Variants in SLC20A2 observed in about 807,000 individuals in gnomAD.
SLC20A2 encodes the protein solute carrier family 20 member 2.
In SLC20A2, 30 loss-of-function variants were observed where a neutral mutation model predicts 61.0. The observed-to-expected ratio is 0.49, with a 90% CI of 0.37 to 0.67. SLC20A2 has a LOEUF of 0.67. Among genes scored for constraint, SLC20A2 ranks in the 30% least tolerant of loss-of-function variants. SLC20A2 has a pLI of 0.00. For missense variants in SLC20A2, 626 were observed against 866.4 expected (o/e 0.72, Z 3.48); for synonymous variants, 351 against 353.3 (o/e 0.99, Z 0.07).
intron 8 of SLC20A2, among the ~76,000 whole-genome samples, chr8:42,435,586 G>A (rs1313080344): frequency 6.6e-6 from 1 of 152,144 alleles, no homozygotes; most frequent in African/African-American, 2.4e-5. Context: ...GGCCCCAGGA[G>A]GCCGCCCTGC....
intron 1 of SLC20A2, among the ~76,000 whole-genome samples, chr8:42,475,428 G>A (rs1302989178): frequency 6.6e-6 from 1 of 150,692 alleles, no homozygotes; most frequent in Non-Finnish European, 1.5e-5. Flanking sequence ...TGTTGTCTTT[G>A]AGACAAAGTC....
At chr8:42,456,107 C>T (rs1806175884) in intron 5 of SLC20A2, among the ~76,000 whole-genome samples, 1 of 151,922 alleles carries the variant, frequency 6.6e-6, no homozygotes, top group East Asian at 1.9e-4. Flanking sequence ...AGCGAATGTG[C>T]CAACTGCAGC....
chr8:42,526,762 T>C (rs1811984785), intron 1 of SLC20A2, among the ~76,000 whole-genome samples: 2 of 151,910 alleles, frequency 1.3e-5, no homozygotes, highest in African/African-American at 4.8e-5. Flanking sequence ...GTATTGATAT[T>C]GGTTCATTAA....
At chr8:42,435,557 C>T (rs1408764951) in intron 8 of SLC20A2, among the ~76,000 whole-genome samples, 2 of 152,182 alleles carry the variant, frequency 1.3e-5, no homozygotes, top group Non-Finnish European at 2.9e-5. Flanking sequence ...ACAGCAGAGA[C>T]CCAAACTTGG....
intron 1 of SLC20A2, among the ~76,000 whole-genome samples, chr8:42,536,750 G>T (rs1812722349): frequency 6.6e-6 from 1 of 151,984 alleles, no homozygotes; most frequent in Non-Finnish European, 1.5e-5. Context: ...ATTCTCTATT[G>T]CTCAATACAA....
rs1302795679 is a variant in SLC20A2, at chr8:42,439,663, A to C, written c.731-10T>G. The C allele has an allele frequency of 4.4e-6, 7 of 1,576,558 alleles. No individual in the cohort carries two copies. Among genetic ancestry groups the C allele is most frequent in the Non-Finnish European group, 5.2e-6 (6 of 1,145,792 alleles). ...TCTTTTTGTAATTTGCCTAAAGAAA[A>C]CAAAGTCATACTGAACATTCTGGAA... On this transcript the variant is annotated splice_polypyrimidine_tract_variant and intron_variant, in intron 6 of 10. Coordinates refer to ENST00000520262, the MANE Select transcript of SLC20A2 (RefSeq NM_001257180.2).
At chr8:42,507,951 G>A (rs1810806737) in intron 1 of SLC20A2, among the ~76,000 whole-genome samples, 1 of 152,120 alleles carries the variant, frequency 6.6e-6, no homozygotes, top group Admixed American at 6.5e-5. Flanking sequence ...CCTGAGGTCA[G>A]GAGTTCGAGA....
At chr8:42,505,179 G>T (rs894682631), upstream of SLC20A2, among the ~76,000 whole-genome samples, 3 of 151,256 alleles carry the variant, frequency 2.0e-5, no homozygotes, top group Non-Finnish European at 4.4e-5. Context: ...CACAATCTTG[G>T]TTCACTGCAA....
chr8:42,428,432 C>T (rs28380369), intron 10 of SLC20A2, among the ~76,000 whole-genome samples: 6,443 of 152,318 alleles, frequency 0.042, 423 homozygotes, highest in African/African-American at 0.14. Flanking sequence ...CCCAAGTGAG[C>T]CCACAGGTAT....
At chr8:42,511,680 A>C (rs920907266) in intron 1 of SLC20A2, among the ~76,000 whole-genome samples, 4 of 151,966 alleles carry the variant, frequency 2.6e-5, no homozygotes, top group African/African-American at 9.7e-5. Context: ...AGTCAAGCTC[A>C]AATTAAGAGA....
At chr8:42,534,428 G>C (rs1282145196) in intron 1 of SLC20A2, among the ~76,000 whole-genome samples, 1 of 152,040 alleles carries the variant, frequency 6.6e-6, no homozygotes, top group Non-Finnish European at 1.5e-5. Flanking sequence ...TGGTTTCCTA[G>C]AAAACTGAAA....
At chr8:42,533,804 G>A (rs529452512) in intron 1 of SLC20A2, among the ~76,000 whole-genome samples, 11 of 151,052 alleles carry the variant, frequency 7.3e-5, no homozygotes, top group African/African-American at 2.2e-4. Context: ...GATTACAGGC[G>A]TGCACCACCA....
chr8:42,477,479 T>C, intron 1 of SLC20A2, among the ~76,000 whole-genome samples: 1 of 147,684 alleles, frequency 6.8e-6, no homozygotes, highest in Non-Finnish European at 1.5e-5. Flanking sequence ...TTTTTTTTTT[T>C]TTTTTTTTTG....
At chr8:42,451,297 G>A (rs112999214) in intron 5 of SLC20A2, among the ~76,000 whole-genome samples, 12 of 151,472 alleles carry the variant, frequency 7.9e-5, no homozygotes, top group African/African-American at 2.4e-4. Flanking sequence ...AGAGATGGAG[G>A]AGGAGGAAGA....
intron 10 of SLC20A2, among the ~76,000 whole-genome samples, chr8:42,419,981 T>C (rs1160271225): frequency 2.6e-5 from 4 of 152,166 alleles, no homozygotes; most frequent in African/African-American, 7.2e-5. Flanking sequence ...GGTCAGGAGA[T>C]CAAGACCATG....
intron 1 of SLC20A2, among the ~76,000 whole-genome samples, chr8:42,527,911 T>C (rs768751288): frequency 2.0e-5 from 3 of 152,174 alleles, no homozygotes; most frequent in Admixed American, 6.5e-5. Flanking sequence ...TTTAAAAACA[T>C]GTGTATGTGT....
intron 10 of SLC20A2, among the ~76,000 whole-genome samples, chr8:42,424,100 A>G (rs1468586860): frequency 6.6e-6 from 1 of 152,226 alleles, no homozygotes; most frequent in Non-Finnish European, 1.5e-5. Context: ...GTATGGAATT[A>G]AAACATTCTG....
chr8:42,479,082 G>C (rs1164174761), intron 1 of SLC20A2, among the ~76,000 whole-genome samples: 1 of 152,116 alleles, frequency 6.6e-6, no homozygotes, highest in Non-Finnish European at 1.5e-5. Context: ...CAGAGGAAAG[G>C]CCTGCTCCAG....
Position 42,437,410 on chromosome 8 carries a change from C to T in SLC20A2, c.1102G>A (p.Glu368Lys), listed in dbSNP as rs1804365108. The T allele has an allele frequency of 2.5e-6, 4 of 1,614,136 alleles. No homozygotes were observed. Among genetic ancestry groups the T allele is most frequent in the Non-Finnish European group, 3.4e-6 (4 of 1,180,028 alleles). ...TTGCTTTCCTGGGCTGGCTTCTCCT[C>T]GGGGCCCCTGTCGATGTGGATTTTG... The part of the protein sequence containing the change: ...LHKIHIDRGP[E>K]EKPAQESNYR... The change falls in exon 8 of 11, where the codon GAG (glutamate) becomes AAG (lysine). Residue 368 changes from glutamate to lysine, a missense_variant. By Grantham distance (56) the Glu-to-Lys change is moderately conservative. Transcript: ENST00000520262. The surrounding 1 kb of genome is among the most constrained non-coding windows in gnomAD (Gnocchi z 6.4).
Sources: gnomAD v4.1 joint callset for allele counts (sites outside exome capture counted in the v4.1 genomes callset) on GRCh38, gnomAD v4.1.1 for gene constraint, Gnocchi (gnomAD v3.1) non-coding constraint, MANE v1.5 for transcripts, NCBI Gene and HGNC (gene_info 2026-07-23, HGNC 2026-07-21) for gene names.